Variants in GRIK5 observed in about 807,000 individuals in gnomAD.
The protein encoded by GRIK5 is glutamate receptor ionotropic, kainate 5.
Under a neutral mutation model 97.4 loss-of-function variants are expected in GRIK5, and 43 were observed. That is an observed-to-expected ratio of 0.44 (90% CI 0.35 to 0.57). GRIK5 has a LOEUF of 0.57. GRIK5 is among the 20% of genes least tolerant of loss of function. GRIK5 has a pLI of 0.01. For missense variants in GRIK5, 1,015 were observed against 1,382.0 expected, an observed-to-expected ratio of 0.73 and a Z score of 4.21; for synonymous variants, 580 against 583.5, an observed-to-expected ratio of 0.99 and a Z score of 0.09.
intron 12 of GRIK5, among the ~76,000 whole-genome samples, chr19:42,035,808 T>TTTGTA: frequency 6.6e-6 from 1 of 152,242 alleles, no homozygotes; most frequent in Non-Finnish European, 1.5e-5. Flanking sequence ...ATCATGTATA[T>TTTGTA]CCAGTGTTTC....
chr19:42,010,825 G>A (rs78916059), intron 15 of GRIK5, among the ~76,000 whole-genome samples: 3,122 of 152,190 alleles, frequency 0.021, 101 homozygotes, highest in African/African-American at 0.07. Flanking sequence ...TAGTGGTTTG[G>A]TTTTGTTTTT....
chr19:41,999,156 G>A lies in GRIK5; in HGVS notation c.2658C>T (p.Ser886=). ...SLRAVREMRL[S]NGKLYSAGAG... ...CGCCGGCCGAGTAGAGCTTGCCGTTGCTGAGGCGCATCTCGCGGACCGCGC... is the reference window on the plus strand; with the variant it reads ...CGCCGGCCGAGTAGAGCTTGCCGTTACTGAGGCGCATCTCGCGGACCGCGC... Residue 886 remains serine (S), a synonymous_variant, in exon 20 of 20, where the codon AGC becomes AGT. Coordinates refer to ENST00000593562, the MANE Select transcript of GRIK5 (RefSeq NM_002088.5). The surrounding 1 kb of genome is among the most constrained non-coding windows in gnomAD (Gnocchi z 5.0). 6.7e-7 allele frequency: 1 copy of A among 1,501,364 alleles called. No homozygotes were observed. The highest frequency in any genetic ancestry group is 8.8e-7 in the Non-Finnish European group (1 of 1,133,678). 93.0% of individuals were successfully genotyped at this position (1,501,364 alleles called of 1,614,324 possible).
chr19:42,002,752 G>A lies in GRIK5; in HGVS notation c.2514+580C>T, dbSNP rs1555871305. On this transcript the variant is annotated intron_variant, in intron 19 of 19. Transcript: ENST00000593562. This position sits in a 1 kb window ranked among gnomAD's most constrained non-coding sequence, Gnocchi z 5.2. ...CAGTGTGGGACCAGTCCAGGGCTGT[G>A]TCCTCTTCTGGTTCCCTCTGTCACC... 6.6e-6 allele frequency among the ~76,000 whole-genome samples: 1 copy of A among 152,080 alleles called. No homozygotes were observed. Among genetic ancestry groups the A allele is most frequent in the South Asian group, 2.1e-4 (1 of 4,830 alleles).
Position 42,069,619 on chromosome 19 carries a change from G to C in GRIK5, c.-429C>G, listed in dbSNP as rs1271113461. 6.6e-6 allele frequency: 1 copy of C among 150,800 alleles called. No homozygotes were observed. 9.3% of individuals were successfully genotyped at this position (150,800 alleles called of 1,614,324 possible). A position where few individuals can be genotyped will look rare whatever the true frequency, so the allele number is the denominator to read the frequency against. On this transcript the variant is annotated 5_prime_UTR_variant, in exon 1 of 20. Coordinates refer to ENST00000593562, the MANE Select transcript of GRIK5 (RefSeq NM_002088.5). ...GGGAGGGGGAAGCTGGCCCAGGAAA[G>C]GGCCCCCGCCCCCTCCCCTAGCCGG...
intron 15 of GRIK5, among the ~76,000 whole-genome samples, chr19:42,009,092 G>A (rs2075528225): frequency 6.6e-6 from 1 of 152,020 alleles, no homozygotes; most frequent in South Asian, 2.1e-4. Flanking sequence ...GATGGGTGTG[G>A]TGGTGCCTGC....
intron 12 of GRIK5, among the ~76,000 whole-genome samples, chr19:42,030,131 A>G (rs1488034164): frequency 6.6e-6 from 1 of 152,134 alleles, no homozygotes. Context: ...CTCTATTCAA[A>G]TAACTGATAT....
chr19:42,043,681 GTGTGA>G (rs1314108955), intron 11 of GRIK5, among the ~76,000 whole-genome samples: 1 of 152,048 alleles, frequency 6.6e-6, no homozygotes, highest in Non-Finnish European at 1.5e-5. Context: ...CAAAGTGCAG[GTGTGA>G]GCCATCGCAC....
At chr19:42,012,722 C>G (rs2146031013) in intron 15 of GRIK5, among the ~76,000 whole-genome samples, 1 of 151,790 alleles carries the variant, frequency 6.6e-6, no homozygotes, top group South Asian at 2.1e-4. Context: ...AAAAAGTTAG[C>G]CAGACTGGGT....
chr19:42,002,438 C>T lies in GRIK5; in HGVS notation c.2514+894G>A, dbSNP rs1555871187. 1 of 717,520 alleles carries T rather than the reference C, an allele frequency of 1.4e-6. No homozygotes were observed. The highest frequency in any genetic ancestry group is 2.6e-6 in the Non-Finnish European group (1 of 385,110). 44.4% of individuals were successfully genotyped at this position (717,520 alleles called of 1,614,324 possible). On this transcript the variant is annotated intron_variant, in intron 19 of 19. Transcript: ENST00000593562. The surrounding 1 kb of genome is among the most constrained non-coding windows in gnomAD (Gnocchi z 5.2). Reference sequence around the variant, plus strand: ...CGGAGGGATGTCCTTGAGAAGGCAACCTGGACACGGGTGGAGGGCACCTTT... The same window carrying T: ...CGGAGGGATGTCCTTGAGAAGGCAATCTGGACACGGGTGGAGGGCACCTTT...
intron 6 of GRIK5, among the ~76,000 whole-genome samples, chr19:42,058,513 T>C (rs1205265572): frequency 7.4e-6 from 1 of 134,784 alleles, no homozygotes. Flanking sequence ...AAAAAAAAAG[T>C]AGAGAAAAAT....
At chr19:42,054,630 G>A (rs1177197759) in intron 8 of GRIK5, among the ~76,000 whole-genome samples, 158 bp from the exon 9 acceptor site, 1 of 152,142 alleles carries the variant, frequency 6.6e-6, no homozygotes, top group Non-Finnish European at 1.5e-5. Flanking sequence ...TGGCTCTGGT[G>A]TCTTTCTTGG....
At chr19:42,067,134 T>C (rs981302452) in intron 1 of GRIK5, among the ~76,000 whole-genome samples, 4 of 152,176 alleles carry the variant, frequency 2.6e-5, no homozygotes, top group South Asian at 2.1e-4. Flanking sequence ...TGGGTTTCCA[T>C]GGAGTAGGGT....
Position 42,005,703 on chromosome 19 carries a change from C to T in GRIK5, c.2263+20G>A. ...GGATGCCCACGGCCCTGCTGTGTTC[C>T]ACACCGTGCTGTGCCGTACCCAGCG... On this transcript the variant is annotated intron_variant, in intron 17 of 19. Transcript: ENST00000593562. 1 of 1,566,806 alleles carries T rather than the reference C, an allele frequency of 6.4e-7. No individual in the cohort carries two copies. The highest frequency in any genetic ancestry group is 1.1e-5 in the South Asian group (1 of 89,706).
Position 42,054,428 on chromosome 19 carries a change from G to A in GRIK5, c.948C>T (p.Ser316=), listed in dbSNP as rs745458398. Residue 316 remains serine (S), a synonymous_variant, in exon 9 of 20, where the codon AGC becomes AGT. Coordinates refer to ENST00000593562, the MANE Select transcript of GRIK5 (RefSeq NM_002088.5). ...LMFDAVHVVV[S]AVRELNRSQE... ...GGCTGCGGTTCAGCTCTCGGACAGCGCTCACCACCACGTGCACGGCGTCAA... is the reference window on the plus strand; with the variant it reads ...GGCTGCGGTTCAGCTCTCGGACAGCACTCACCACCACGTGCACGGCGTCAA... 1.4e-5 allele frequency: 22 copies of A among 1,613,426 alleles called. No homozygotes were observed. The highest frequency in any genetic ancestry group is 5.5e-5 in the South Asian group (5 of 91,088).
chr19:42,009,505 C>T (rs1160887341), intron 15 of GRIK5, among the ~76,000 whole-genome samples: 1 of 151,014 alleles, frequency 6.6e-6, no homozygotes, highest in Non-Finnish European at 1.5e-5. Context: ...CGGTGGCTCA[C>T]GCCTGTAATC....
chr19:42,016,379 C>T (rs2075624534), intron 15 of GRIK5, among the ~76,000 whole-genome samples: 1 of 152,162 alleles, frequency 6.6e-6, no homozygotes, highest in Non-Finnish European at 1.5e-5. Context: ...CGAGATCGTG[C>T]CACTGCACTC....
chr19:42,065,442 G>A lies in GRIK5; in HGVS notation c.80-55C>T, dbSNP rs1235057281. 1 of 1,518,642 alleles carries A rather than the reference G, an allele frequency of 6.6e-7. No individual in the cohort carries two copies. The highest frequency in any genetic ancestry group is 8.9e-7 in the Non-Finnish European group (1 of 1,127,118). 94.1% of individuals were successfully genotyped at this position (1,518,642 alleles called of 1,614,324 possible). A position where few individuals can be genotyped will look rare whatever the true frequency, so the allele number is the denominator to read the frequency against. On this transcript the variant is annotated intron_variant, in intron 2 of 19. Transcript: ENST00000593562. The surrounding 1 kb of genome is among the most constrained non-coding windows in gnomAD (Gnocchi z 5.8). ...CTCCTGAGTCCTGAGGAAGGAGGGG[G>A]CTGTGGTCTTAGACTCCAGGGCTCT...
chr19:42,044,976 A>G (rs1599815112), intron 11 of GRIK5, among the ~76,000 whole-genome samples: 1 of 152,232 alleles, frequency 6.6e-6, no homozygotes, highest in East Asian at 1.9e-4. Context: ...GTTATTGTGT[A>G]TTGAGAAACT....
intron 11 of GRIK5, among the ~76,000 whole-genome samples, chr19:42,046,582 A>G (rs919569479): frequency 5.3e-5 from 8 of 152,252 alleles, no homozygotes; most frequent in Admixed American, 3.9e-4. Flanking sequence ...ATTTGGGCCA[A>G]GTTAAAAAGA....
Sources: allele counts gnomAD v4.1 joint callset (sites outside exome capture counted in the v4.1 genomes callset), GRCh38; gene constraint gnomAD v4.1.1; non-coding constraint Gnocchi (gnomAD v3.1); transcripts MANE v1.5; gene names NCBI Gene and HGNC (gene_info 2026-07-23, HGNC 2026-07-21).